Variants in SHC3 observed in about 807,000 individuals in gnomAD.
The protein encoded by SHC3 is SHC adaptor protein 3, also known as SHC-transforming protein 3.
In SHC3, 15 loss-of-function variants were observed where a neutral mutation model predicts 60.4. The observed-to-expected ratio is 0.25, with a 90% CI of 0.17 to 0.38. The LOEUF (loss-of-function observed/expected upper bound fraction) is 0.38. Among genes scored for constraint, SHC3 ranks in the 10% least tolerant of loss-of-function variants. The pLI, the probability that SHC3 is intolerant of heterozygous loss-of-function variation, is 1.00. For synonymous variants in SHC3, 294 were observed against 325.9 expected (o/e 0.90, Z 1.05); for missense variants, 677 against 786.1 (o/e 0.86, Z 1.66).
intron 2 of SHC3, among the ~76,000 whole-genome samples, chr9:89,086,908 G>C (rs1286345779): frequency 6.6e-6 from 1 of 152,126 alleles, no homozygotes; most frequent in African/African-American, 2.4e-5. Flanking sequence ...GTCGTTGGGG[G>C]CACATGCACT....
intron 11 of SHC3, among the ~76,000 whole-genome samples, chr9:89,028,685 TAATC>T (rs1824414997): frequency 6.8e-6 from 1 of 146,496 alleles, no homozygotes; most frequent in Non-Finnish European, 1.5e-5. Context: ...TATAAAGAGA[TAATC>T]TATATCTATA....
At chr9:89,039,831 C>T (rs1824645258) in intron 10 of SHC3, among the ~76,000 whole-genome samples, 2 of 151,922 alleles carry the variant, frequency 1.3e-5, no homozygotes, top group African/African-American at 2.4e-5. Flanking sequence ...GGATCATCAC[C>T]ATTATCACCA....
chr9:89,076,353 C>A lies in SHC3; in HGVS notation c.610-1125G>T, dbSNP rs148105319. On this transcript the variant is annotated intron_variant, in intron 3 of 11. Coordinates refer to ENST00000375835, the MANE Select transcript of SHC3 (RefSeq NM_016848.6). ...AGTCCCCAAGCTCTGAAGACAGAAA[C>A]AAGCTTGAGCCTGGGATCAGCAGAG... 6.7e-4 allele frequency among the ~76,000 whole-genome samples: 102 copies of A among 152,306 alleles called. 2 individuals carry two copies. In the East Asian group the frequency reaches 0.017, roughly 25 times the overall value.
Position 89,093,408 on chromosome 9 carries a change from G to A in SHC3, c.546-15505C>T, listed in dbSNP as rs569010890. ...AGAGATTTTTGGGAGTGGTAGAAAT[G>A]TTCTTGACTGCATGGATGAAGCAAT... On this transcript the variant is annotated intron_variant, in intron 2 of 11. Coordinates refer to ENST00000375835, the MANE Select transcript of SHC3 (RefSeq NM_016848.6). Among the ~76,000 whole-genome samples, 11 of 152,330 alleles carry A rather than the reference G, an allele frequency of 7.2e-5. No individual in the cohort carries two copies. In the East Asian group the frequency reaches 1.9e-3, roughly 27 times the overall value.
intron 1 of SHC3, among the ~76,000 whole-genome samples, chr9:89,134,134 T>TC: frequency 6.6e-6 from 1 of 152,122 alleles, no homozygotes; most frequent in Non-Finnish European, 1.5e-5. Flanking sequence ...AATATGTGTT[T>TC]GAGACTACTA....
At chr9:89,066,579 C>T (rs1445730747) in intron 5 of SHC3, among the ~76,000 whole-genome samples, 1 of 152,142 alleles carries the variant, frequency 6.6e-6, no homozygotes, top group Non-Finnish European at 1.5e-5. Context: ...TATCTTAACT[C>T]CTGAAAGCAG....
chr9:89,166,447 G>GA (rs1437036852), intron 1 of SHC3, among the ~76,000 whole-genome samples: 1 of 152,102 alleles, frequency 6.6e-6, no homozygotes, highest in East Asian at 1.9e-4. Flanking sequence ...GGCAAGACTG[G>GA]AAAAAATCCA....
chr9:89,167,586 T>C (rs1229325882), intron 1 of SHC3, among the ~76,000 whole-genome samples: 2 of 152,234 alleles, frequency 1.3e-5, no homozygotes, highest in African/African-American at 4.8e-5. Flanking sequence ...TGACCTTCTG[T>C]TCTCAGCCCA....
chr9:89,017,478 A>C (rs1465345403), intron 11 of SHC3, among the ~76,000 whole-genome samples: 12 of 152,228 alleles, frequency 7.9e-5, no homozygotes, highest in African/African-American at 2.7e-4. Context: ...CCTTTCTTAC[A>C]TCTTATATAA....
intron 1 of SHC3, among the ~76,000 whole-genome samples, chr9:89,171,168 C>G (rs950160534): frequency 3.9e-5 from 6 of 152,064 alleles, no homozygotes; most frequent in African/African-American, 1.4e-4. Context: ...CCAGAGTATA[C>G]AGTACCTCTG....
At chr9:89,082,563 C>T (rs538226623) in intron 2 of SHC3, among the ~76,000 whole-genome samples, 13 of 152,324 alleles carry the variant, frequency 8.5e-5, no homozygotes, top group African/African-American at 2.4e-4. Context: ...AGGGAACCAT[C>T]GCCCCTCCTC....
In SHC3 at chr9:89,178,351, G is replaced by A. The variant is rs1428026058; in HGVS notation, c.110C>T (p.Ala37Val). 1.9e-6 allele frequency: 3 copies of A among 1,594,258 alleles called. No homozygotes were observed. Among genetic ancestry groups the A allele is most frequent in the East Asian group, 2.4e-5 (1 of 42,518 alleles). Residue 37 changes from alanine to valine, a missense_variant, in exon 1 of 12, where the codon GCG becomes GTG. Coordinates refer to ENST00000375835, the MANE Select transcript of SHC3 (RefSeq NM_016848.6). The surrounding 1 kb of genome is among the most constrained non-coding windows in gnomAD (Gnocchi z 6.9). ...VSGGGGKVSA[A>V]RATPAAAPYL... Reference sequence around the variant, plus strand: ...GGGAGCCGCCGCCGGGGTCGCGCGCGCCGCCGAAACCTTGCCTCCGCCGCC... The same window carrying A: ...GGGAGCCGCCGCCGGGGTCGCGCGCACCGCCGAAACCTTGCCTCCGCCGCC...
intron 11 of SHC3, among the ~76,000 whole-genome samples, chr9:89,018,216 C>T (rs1826129042): frequency 6.6e-6 from 1 of 152,166 alleles, no homozygotes; most frequent in Non-Finnish European, 1.5e-5. Flanking sequence ...GCACTGTTCA[C>T]ATTAGCAAAG....
chr9:89,096,000 G>A (rs1825695926), intron 2 of SHC3, among the ~76,000 whole-genome samples: 1 of 152,110 alleles, frequency 6.6e-6, no homozygotes, highest in Admixed American at 6.6e-5. Flanking sequence ...CTATTAAAAG[G>A]CTCTGTGGGC....
At position 89,067,755 on chromosome 9, in the gene SHC3, C is replaced by T. The variant is rs560898878; in HGVS notation, c.784-2175G>A. Reference sequence around the variant, plus strand: ...CATTCAGATGGAGATTTAGTTTCAGCGAACTTTGTCCATCATAGCAAAGTA... The same window carrying T: ...CATTCAGATGGAGATTTAGTTTCAGTGAACTTTGTCCATCATAGCAAAGTA... On this transcript the variant is annotated intron_variant, in intron 5 of 11. Coordinates refer to ENST00000375835, the MANE Select transcript of SHC3 (RefSeq NM_016848.6). Among the ~76,000 whole-genome samples, 11 of 152,222 alleles carry T rather than the reference C, an allele frequency of 7.2e-5. No individual in the cohort carries two copies. In the South Asian group the frequency reaches 1.0e-3, roughly 14 times the overall value.
intron 6 of SHC3, among the ~76,000 whole-genome samples, chr9:89,053,341 A>T (rs1587697838): frequency 6.6e-6 from 1 of 152,224 alleles, no homozygotes; most frequent in African/African-American, 2.4e-5. Flanking sequence ...GGCAGTGATT[A>T]GGGAGACACT....
Position 89,114,993 on chromosome 9 carries a change from G to T in SHC3, c.475-2367C>A, listed in dbSNP as rs918224578. Among the ~76,000 whole-genome samples, 12 of 152,056 alleles carry T rather than the reference G, an allele frequency of 7.9e-5. No individual in the cohort carries two copies. The South Asian group carries it at 2.5e-3, about 32-fold the overall frequency. On this transcript the variant is annotated intron_variant, in intron 1 of 11. Transcript: ENST00000375835. ...TAGGCAACCAATGACACAGTTATGGGAATACCAACAACACTACTGTCACAG... is the reference window on the plus strand; with the variant it reads ...TAGGCAACCAATGACACAGTTATGGTAATACCAACAACACTACTGTCACAG...
intron 6 of SHC3, among the ~76,000 whole-genome samples, chr9:89,052,781 A>G (rs982412999): frequency 3.3e-5 from 5 of 152,234 alleles, no homozygotes; most frequent in Non-Finnish European, 7.3e-5. Flanking sequence ...ATCTACGTAA[A>G]TTTGAGACTG....
At chr9:89,063,710 G>A (rs569440056) in intron 6 of SHC3, among the ~76,000 whole-genome samples, 1 of 152,314 alleles carries the variant, frequency 6.6e-6, no homozygotes, top group South Asian at 2.1e-4. Context: ...GACCCCTGTC[G>A]ATGCCACTTG....
Sources: allele counts gnomAD v4.1 joint callset (sites outside exome capture counted in the v4.1 genomes callset), GRCh38; gene constraint gnomAD v4.1.1; non-coding constraint Gnocchi (gnomAD v3.1); transcripts MANE v1.5; gene names NCBI Gene and HGNC (gene_info 2026-07-23, HGNC 2026-07-21).